The following SEMA5B variants were observed in gnomAD, a reference collection of about 807,000 sequenced individuals.
SEMA5B encodes the protein semaphorin-5B.
In SEMA5B, 66 loss-of-function variants were observed where a neutral mutation model predicts 135.0. The ratio of observed to expected loss-of-function variants is 0.49; its 90% confidence interval spans 0.40 to 0.60. The LOEUF is 0.60. Ranked by LOEUF, SEMA5B falls within the 20% of genes least tolerant of loss-of-function variation. The pLI is 0.00. For synonymous variants in SEMA5B, 690 were observed against 639.5 expected (o/e 1.08, Z -1.19); for missense variants, 1,501 against 1,566.3 (o/e 0.96, Z 0.70).
At chr3:122,998,354 G>GA (rs141203640) in intron 1 of SEMA5B, among the ~76,000 whole-genome samples, 10,143 of 152,208 alleles carry the variant, frequency 0.067, 408 homozygotes, top group East Asian at 0.16. Context: ...TTGGGATCAA[G>GA]AACCTTGCCG....
At position 122,912,286 on chromosome 3, in the gene SEMA5B, C is replaced by T. The variant is rs1576326215; in HGVS notation, c.2782G>A (p.Gly928Arg). ...SWSPCSASCG[G>R]GHYQRTRSCT... ...GAACGGGTGCGTTGATAGTGACCCC[C>T]ACCACAGGAAGCTGAGCATGGAGAC... is the stretch of plus-strand genomic sequence containing the variant. The change falls in exon 19 of 23, where the codon GGG becomes AGG. Residue 928 changes from glycine (G) to arginine (R), a missense_variant. This residue lies in a region of SEMA5B where 927 missense variants were observed against 881.6 expected (regional missense o/e 1.05). Transcript: ENST00000357599. 1 of 1,612,128 alleles carries T rather than the reference C, an allele frequency of 6.2e-7. No homozygotes were observed. The highest frequency in any genetic ancestry group is 8.5e-7 in the Non-Finnish European group (1 of 1,179,096).
chr3:122,921,578 C>T (rs1218712976), intron 12 of SEMA5B, among the ~76,000 whole-genome samples: 1 of 152,198 alleles, frequency 6.6e-6, no homozygotes, highest in Admixed American at 6.5e-5. Context: ...ACAGAAAGGA[C>T]TGAGAATAAA....
chr3:122,954,119 G>C (rs1385468863), intron 2 of SEMA5B, among the ~76,000 whole-genome samples: 1 of 152,232 alleles, frequency 6.6e-6, no homozygotes, highest in Admixed American at 6.5e-5. Context: ...GAATGCAGCA[G>C]CATGATCATA....
chr3:122,948,722 C>T lies in SEMA5B; in HGVS notation c.125-13G>A. ...CAGGGGAGAAGACCTGCAACGTAAA[C>T]ACTCAGTCTCACCAAGCGCTCCCTC... is the stretch of plus-strand genomic sequence containing the variant. On this transcript the variant is annotated splice_polypyrimidine_tract_variant and intron_variant, in intron 2 of 22. Transcript: ENST00000357599. The T allele has an allele frequency of 6.4e-7, 1 of 1,573,336 alleles. No individual in the cohort carries two copies. Among genetic ancestry groups the T allele is most frequent in the South Asian group, 1.2e-5 (1 of 86,668 alleles).
In SEMA5B at chr3:122,912,916, C is replaced by T. The variant is rs370662105; in HGVS notation, c.2652G>A (p.Glu884=). 6 of 1,612,014 alleles carry T rather than the reference C, an allele frequency of 3.7e-6. No homozygotes were observed. Among genetic ancestry groups the T allele is most frequent in the East Asian group, 2.2e-5 (1 of 44,644 alleles). Residue 884 remains glutamate (E), a synonymous_variant, in exon 18 of 23, where the codon GAG becomes GAA. Transcript: ENST00000357599. The stretch of plus-strand genomic sequence containing the variant: ...CGCAGGGCAGGCCCCCGTTGCGGGG[C>T]TCCGGGTTAGTGCACGTTCTCTTGC... The part of the protein sequence containing the change: ...RVRKRTCTNP[E]PRNGGLPCVG...
chr3:122,922,209 C>T, intron 11 of SEMA5B, 31 bp downstream of exon 11: 1 of 1,592,472 alleles, frequency 6.3e-7, no homozygotes, highest in Non-Finnish European at 8.6e-7. Context: ...CACCCCCGAC[C>T]TGCAGTCCAG....
At chr3:123,014,908 T>C (rs774529011) in intron 1 of SEMA5B, among the ~76,000 whole-genome samples, 6 of 152,098 alleles carry the variant, frequency 3.9e-5, no homozygotes, top group African/African-American at 1.4e-4. Flanking sequence ...GTTGCAGATG[T>C]AGTTAGATGA....
intron 1 of SEMA5B, among the ~76,000 whole-genome samples, chr3:122,974,152 GC>G (rs1354938380): frequency 3.3e-5 from 5 of 152,240 alleles, no homozygotes; most frequent in African/African-American, 1.2e-4. Context: ...GGAGGGAGAA[GC>G]CGGCAGGTGG....
chr3:122,934,510 A>T (rs1254412626), intron 5 of SEMA5B, among the ~76,000 whole-genome samples: 1 of 152,214 alleles, frequency 6.6e-6, no homozygotes, highest in Non-Finnish European at 1.5e-5. Flanking sequence ...CTATAGGACA[A>T]GTGACGAGGT....
chr3:123,017,116 C>T (rs910538572), intron 1 of SEMA5B, among the ~76,000 whole-genome samples: 2 of 151,704 alleles, frequency 1.3e-5, no homozygotes, highest in African/African-American at 4.8e-5. Context: ...GTCTTGATAT[C>T]CTGACCTCTG....
In SEMA5B at chr3:123,005,187, A is replaced by G. The variant is rs1942276755; in HGVS notation, c.-39+22277T>C. ...CCCTACACACCCTCTTCCTGCCCAC[A>G]GCCTTCCTCCACCTGTCCCCACCCC... On this transcript the variant is annotated intron_variant, in intron 1 of 22. Coordinates refer to ENST00000357599, the MANE Select transcript of SEMA5B (RefSeq NM_001031702.4). 3.3e-5 allele frequency among the ~76,000 whole-genome samples: 5 copies of G among 152,036 alleles called. No individual in the cohort carries two copies. The South Asian group carries it at 1.0e-3, about 32-fold the overall frequency.
At chr3:122,966,614 G>C (rs894343180) in intron 1 of SEMA5B, among the ~76,000 whole-genome samples, 1 of 149,982 alleles carries the variant, frequency 6.7e-6, no homozygotes, top group Admixed American at 6.6e-5. Flanking sequence ...GAGTGCAGTG[G>C]CGTGATCTCA....
rs542444232 is a variant in SEMA5B at position 123,002,773 on chromosome 3, C to T, written c.-39+24691G>A. Among the ~76,000 whole-genome samples, 4 of 152,316 alleles carry T rather than the reference C, an allele frequency of 2.6e-5. No individual in the cohort carries two copies. The South Asian group carries it at 8.3e-4, about 32-fold the overall frequency. ...CTTTTTGAGCACAGGGTTATTTATTCTCAAAGAAAATGCTTTGGATGCCAT... is the reference window on the plus strand; with the variant it reads ...CTTTTTGAGCACAGGGTTATTTATTTTCAAAGAAAATGCTTTGGATGCCAT... On this transcript the variant is annotated intron_variant, in intron 1 of 22. Coordinates refer to ENST00000357599, the MANE Select transcript of SEMA5B (RefSeq NM_001031702.4).
intron 1 of SEMA5B, among the ~76,000 whole-genome samples, chr3:123,020,004 A>G (rs1052998072): frequency 6.6e-6 from 1 of 152,158 alleles, no homozygotes; most frequent in Non-Finnish European, 1.5e-5. Flanking sequence ...GAATCCAAAA[A>G]CTTTTTATTG....
intron 18 of SEMA5B, 150 bp from the exon 19 acceptor site, chr3:122,912,492 G>A: frequency 2.7e-6 from 2 of 750,142 alleles, no homozygotes; most frequent in Middle Eastern, 3.9e-4. Flanking sequence ...TCCACTGTTA[G>A]GGAGTGCCCC....
chr3:122,938,227 T>G (rs1939388344), intron 5 of SEMA5B, among the ~76,000 whole-genome samples: 1 of 152,190 alleles, frequency 6.6e-6, no homozygotes, highest in Non-Finnish European at 1.5e-5. Flanking sequence ...TGGCCTTTAG[T>G]GGTTATTCAA....
Position 122,914,045 on chromosome 3 carries a change from C to T in SEMA5B, c.1989-44G>A, listed in dbSNP as rs777377974. 23 of 1,521,616 alleles carry T rather than the reference C, an allele frequency of 1.5e-5. No individual in the cohort carries two copies. In the East Asian group the frequency reaches 3.9e-4, roughly 26 times the overall value. The allele number at this position is 1,521,616 out of a possible 1,614,324, so 94.3% of individuals were successfully genotyped here. On this transcript the variant is annotated intron_variant, in intron 14 of 22. Transcript: ENST00000357599. ...ACAGAGACAGATGCCCCTCTGAGCC[C>T]TAGCTTCTTAGATCTAGTCTGTCTC...
intron 2 of SEMA5B, among the ~76,000 whole-genome samples, chr3:122,958,812 A>G (rs1940449833): frequency 6.6e-6 from 1 of 152,048 alleles, no homozygotes; most frequent in South Asian, 2.1e-4. Flanking sequence ...GCCCTCTCCC[A>G]GGGGCAACTT....
intron 4 of SEMA5B, 58 bp from the exon 5 acceptor site, chr3:122,939,528 G>T: frequency 7.0e-7 from 1 of 1,427,028 alleles, no homozygotes; most frequent in Non-Finnish European, 9.9e-7. Flanking sequence ...AGGACCCAGG[G>T]AGCAGCCTCC....
Sources: gnomAD v4.1 joint callset for allele counts (sites outside exome capture counted in the v4.1 genomes callset) on GRCh38, gnomAD v4.1.1 for gene constraint, gnomAD v4.1.1 regional missense constraint, MANE v1.5 for transcripts, NCBI Gene and HGNC (gene_info 2026-07-23, HGNC 2026-07-21) for gene names.